Variants in NMD3 observed in about 807,000 individuals in gnomAD.
The protein encoded by NMD3 is 60S ribosomal export protein NMD3.
NMD3 carries 47 observed loss-of-function variants against 73.1 expected under a neutral mutation model. That is an observed-to-expected ratio of 0.64 (90% CI 0.51 to 0.82). NMD3 has a LOEUF of 0.82. NMD3 is among the 40% of genes least tolerant of loss of function. The pLI is 0.00. For missense variants in NMD3, 554 were observed against 612.5 expected (o/e 0.90, Z 1.01); for synonymous variants, 210 against 194.5 (o/e 1.08, Z -0.66).
At chr3:161,234,612 T>G (rs1205955292) in intron 5 of NMD3, 115 bp from the exon 6 acceptor site, 2 of 745,210 alleles carry the variant, frequency 2.7e-6, no homozygotes. Flanking sequence ...TTGATTGATG[T>G]CCTCAAAGCA....
chr3:161,249,795 T>C (rs1263091675), intron 14 of NMD3: 1 of 519,570 alleles, frequency 1.9e-6, no homozygotes, highest in African/African-American at 1.9e-5. Context: ...ATGTAAACAA[T>C]TCATTTGAAA....
intron 7 of NMD3, among the ~76,000 whole-genome samples, chr3:161,235,856 T>C (rs1012719682): frequency 6.6e-6 from 1 of 152,178 alleles, no homozygotes; most frequent in African/African-American, 2.4e-5. Context: ...ACTGTAGTTA[T>C]GTCCTCTCTA....
At chr3:161,235,396 C>T in intron 7 of NMD3, 184 bp downstream of exon 7, 1 of 353,356 alleles carries the variant, frequency 2.8e-6, no homozygotes. Context: ...TCACTAGCCA[C>T]ATTTGGCTGT....
chr3:161,238,266 T>C, intron 8 of NMD3, 75 bp downstream of exon 8: 1 of 887,858 alleles, frequency 1.1e-6, no homozygotes, highest in Non-Finnish European at 1.8e-6. Context: ...TTCTTCAGGC[T>C]CAGACAACTT....
At chr3:161,234,705 A>C (rs551367620) in intron 5 of NMD3, 22 bp from the exon 6 acceptor site, 1 of 1,576,516 alleles carries the variant, frequency 6.3e-7, no homozygotes, top group African/African-American at 1.3e-5. Context: ...AAAAGAATGA[A>C]GGAGTGTAAT....
At chr3:161,222,692 C>T (rs1240941187) in intron 2 of NMD3, among the ~76,000 whole-genome samples, 3 of 151,988 alleles carry the variant, frequency 2.0e-5, no homozygotes, top group African/African-American at 7.3e-5. Context: ...CAGCACAGAC[C>T]AATTAGCTAA....
chr3:161,229,230 T>G (rs1341079938), intron 4 of NMD3, among the ~76,000 whole-genome samples: 1 of 152,004 alleles, frequency 6.6e-6, no homozygotes, highest in Non-Finnish European at 1.5e-5. Flanking sequence ...AAGGGCAGAG[T>G]AGTGAGATGA....
intron 7 of NMD3, among the ~76,000 whole-genome samples, chr3:161,237,504 G>A (rs1736801771): frequency 6.9e-6 from 1 of 145,708 alleles, no homozygotes; most frequent in South Asian, 2.2e-4. Context: ...TATCTTCTTG[G>A]TAGATTATTC....
chr3:161,227,865 G>A (rs2108077451), intron 4 of NMD3, among the ~76,000 whole-genome samples: 1 of 152,128 alleles, frequency 6.6e-6, no homozygotes, highest in Middle Eastern at 3.4e-3. Flanking sequence ...TAAAAAGACA[G>A]AATTTAATTT....
At chr3:161,232,955 A>G (rs1464600176) in intron 4 of NMD3, among the ~76,000 whole-genome samples, 2 of 152,198 alleles carry the variant, frequency 1.3e-5, no homozygotes, top group Non-Finnish European at 2.9e-5. Flanking sequence ...CAGTGCATGC[A>G]ACTTCTCTAA....
At chr3:161,228,838 G>GAT (rs1736429055) in intron 4 of NMD3, among the ~76,000 whole-genome samples, 2 of 152,176 alleles carry the variant, frequency 1.3e-5, no homozygotes, top group Admixed American at 1.3e-4. Flanking sequence ...AAAATAGGTG[G>GAT]ATATATTACA....
intron 4 of NMD3, among the ~76,000 whole-genome samples, chr3:161,232,049 C>G (rs976815471): frequency 6.6e-6 from 1 of 151,440 alleles, no homozygotes; most frequent in Non-Finnish European, 1.5e-5. Flanking sequence ...TGGGGAATGC[C>G]GAGCAGGATG....
At chr3:161,232,043 G>C (rs1030786471) in intron 4 of NMD3, among the ~76,000 whole-genome samples, 2 of 152,036 alleles carry the variant, frequency 1.3e-5, no homozygotes, top group Non-Finnish European at 2.9e-5. Context: ...TTGTGTTGGG[G>C]AATGCCGAGC....
At chr3:161,237,972 C>G in intron 7 of NMD3, 141 bp from the exon 8 acceptor site, 1 of 529,032 alleles carries the variant, frequency 1.9e-6, no homozygotes, top group South Asian at 3.1e-5. Flanking sequence ...AGTGATATCT[C>G]TAATCTGTTG....
At position 161,250,403 on chromosome 3, in the gene NMD3, A is replaced by C. The variant is rs181288006; in HGVS notation, c.1381+77A>C. ...CCTAGTATGAATATTTTGGTATCTTAAGCTTTGATTCTCATAAATGTCTTT... is the reference window on the plus strand; with the variant it reads ...CCTAGTATGAATATTTTGGTATCTTCAGCTTTGATTCTCATAAATGTCTTT... On this transcript the variant is annotated intron_variant, in intron 15 of 15. Transcript: ENST00000351193. The C allele has an allele frequency of 3.0e-4, 247 of 835,604 alleles. 1 individual carries two copies. In the Admixed American group the frequency reaches 6.0e-3, roughly 20 times the overall value. 51.8% of individuals were successfully genotyped at this position (835,604 alleles called of 1,614,324 possible). A position where few individuals can be genotyped will look rare whatever the true frequency, so the allele number is the denominator to read the frequency against.
intron 2 of NMD3, among the ~76,000 whole-genome samples, chr3:161,222,258 G>A (rs1055522046): frequency 1.3e-5 from 2 of 151,990 alleles, no homozygotes; most frequent in Admixed American, 6.6e-5. Flanking sequence ...AGCTCTAAGA[G>A]GGTTAAAATA....
At chr3:161,245,334 T>A (rs567856454) in intron 11 of NMD3, among the ~76,000 whole-genome samples, 14 of 152,120 alleles carry the variant, frequency 9.2e-5, no homozygotes, top group African/African-American at 3.1e-4. Flanking sequence ...CAGGCAGATA[T>A]AAAACCAGAT....
chr3:161,243,011 G>T (rs1345343047), intron 11 of NMD3, among the ~76,000 whole-genome samples: 3 of 152,006 alleles, frequency 2.0e-5, no homozygotes, highest in African/African-American at 7.2e-5. Context: ...AAATACTTCA[G>T]TGTGCATCTC....
At chr3:161,239,233 T>C (rs913458510) in intron 9 of NMD3, among the ~76,000 whole-genome samples, 1 of 152,208 alleles carries the variant, frequency 6.6e-6, no homozygotes, top group Non-Finnish European at 1.5e-5. Context: ...AATATTGTGA[T>C]AATGTGAAAA....
Sources: gnomAD v4.1 joint callset for allele counts (sites outside exome capture counted in the v4.1 genomes callset) on GRCh38, gnomAD v4.1.1 for gene constraint, MANE v1.5 for transcripts, NCBI Gene and HGNC (gene_info 2026-07-23, HGNC 2026-07-21) for gene names.